The following C8orf34 variants were observed in gnomAD, a reference collection of about 807,000 sequenced individuals.
The protein encoded by C8orf34 is chromosome 8 open reading frame 34.
A neutral mutation model predicts 68.3 loss-of-function variants in C8orf34; 65 were observed. The ratio of observed to expected loss-of-function variants is 0.95; its 90% CI spans 0.78 to 1.17. C8orf34 has a LOEUF of 1.17. Ranked by LOEUF, C8orf34 falls within the 50% of genes most tolerant of loss-of-function variation. The pLI is 0.00. For synonymous variants in C8orf34, 244 were observed against 241.2 expected (o/e 1.01, Z -0.11); for missense variants, 664 against 655.4 (o/e 1.01, Z -0.14).
At chr8:68,337,253 G>A (rs930420808) in intron 1 of C8orf34, among the ~76,000 whole-genome samples, 5 of 152,080 alleles carry the variant, frequency 3.3e-5, no homozygotes, top group South Asian at 2.1e-4. Flanking sequence ...ACACTACTTC[G>A]TTCAAGTGAT....
intron 1 of C8orf34, among the ~76,000 whole-genome samples, chr8:68,372,848 G>A (rs993462924): frequency 2.0e-5 from 3 of 152,186 alleles, no homozygotes; most frequent in Non-Finnish European, 4.4e-5. Context: ...GAGAACATGC[G>A]ATGTTTGGTT....
intron 8 of C8orf34, among the ~76,000 whole-genome samples, chr8:68,693,464 G>T (rs1017769541): frequency 6.6e-6 from 1 of 152,028 alleles, no homozygotes; most frequent in South Asian, 2.1e-4. Flanking sequence ...TCTGAAAATT[G>T]TTCTCGTGAA....
At chr8:68,612,402 C>G (rs796350855) in intron 7 of C8orf34, among the ~76,000 whole-genome samples, 7 of 152,264 alleles carry the variant, frequency 4.6e-5, no homozygotes, top group African/African-American at 1.7e-4. Flanking sequence ...TCTCAGTAGT[C>G]TAGCTCCAGA....
chr8:68,527,429 G>A (rs993310533), intron 6 of C8orf34, among the ~76,000 whole-genome samples: 112 of 152,164 alleles, frequency 7.4e-4, no homozygotes, highest in African/African-American at 2.1e-3. Context: ...AAAATTAGCC[G>A]GGCGTGGTGG....
chr8:68,392,849 G>A (rs1013099972), intron 1 of C8orf34, among the ~76,000 whole-genome samples: 4 of 152,030 alleles, frequency 2.6e-5, no homozygotes, highest in Non-Finnish European at 5.9e-5. Flanking sequence ...TTGGCTTCAG[G>A]TAATAAAGGC....
At chr8:68,604,672 C>G (rs1817801807) in intron 7 of C8orf34, among the ~76,000 whole-genome samples, 1 of 151,990 alleles carries the variant, frequency 6.6e-6, no homozygotes. Flanking sequence ...AATAATAAAT[C>G]TAGGTACATA....
chr8:68,513,373 G>C (rs1012564041), intron 5 of C8orf34, among the ~76,000 whole-genome samples: 19 of 152,172 alleles, frequency 1.2e-4, no homozygotes, highest in Middle Eastern at 3.4e-3. Context: ...CAGGGCTAGG[G>C]GTACCTGCAG....
At chr8:68,357,618 G>T (rs2129619185) in intron 1 of C8orf34, among the ~76,000 whole-genome samples, 1 of 152,300 alleles carries the variant, frequency 6.6e-6, no homozygotes, top group Non-Finnish European at 1.5e-5. Flanking sequence ...GTGAAACAAT[G>T]AGCTGGATAT....
At chr8:68,348,216 G>T (rs1208339081) in intron 1 of C8orf34, among the ~76,000 whole-genome samples, 2 of 151,942 alleles carry the variant, frequency 1.3e-5, no homozygotes, top group Non-Finnish European at 2.9e-5. Context: ...TGTTGAATAG[G>T]GAGTTTTTTT....
chr8:68,803,998 G>A (rs75544628), intron 12 of C8orf34, among the ~76,000 whole-genome samples: 1 of 152,066 alleles, frequency 6.6e-6, no homozygotes, highest in African/African-American at 2.4e-5. Context: ...GGTAGTTCGT[G>A]AAAGGTTCAC....
intron 9 of C8orf34, among the ~76,000 whole-genome samples, chr8:68,710,087 A>G (rs2130965134): frequency 6.6e-6 from 1 of 152,354 alleles, no homozygotes; most frequent in Non-Finnish European, 1.5e-5. Flanking sequence ...AAATATGCCC[A>G]AAGAAGCTCA....
At chr8:68,765,554 C>A (rs1823146736) in intron 10 of C8orf34, among the ~76,000 whole-genome samples, 1 of 152,122 alleles carries the variant, frequency 6.6e-6, no homozygotes, top group African/African-American at 2.4e-5. Flanking sequence ...ATTAAAACCC[C>A]CACTATTTTC....
At chr8:68,353,771 T>G (rs1011471082) in intron 1 of C8orf34, among the ~76,000 whole-genome samples, 5 of 151,644 alleles carry the variant, frequency 3.3e-5, no homozygotes, top group Admixed American at 2.6e-4. Flanking sequence ...TCTTTGTCAT[T>G]AGTCTCTAAA....
At chr8:68,538,001 T>C (rs1418638363) in intron 7 of C8orf34, among the ~76,000 whole-genome samples, 1 of 152,126 alleles carries the variant, frequency 6.6e-6, no homozygotes, top group East Asian at 1.9e-4. Flanking sequence ...ACGTCAATAG[T>C]TTGAAAATGA....
rs1814951201 is a variant in C8orf34 at position 68,525,765 on chromosome 8, C to T, written c.938+3794C>T. On this transcript the variant is annotated intron_variant, in intron 6 of 13. Transcript: ENST00000518698. ...CTGTGATCATCAATGATTTTAGATT[C>T]ACCAGTGTAGCCATGCTTCATCACA... 5.1e-6 allele frequency: 3 copies of T among 584,224 alleles called. No individual in the cohort carries two copies. The Admixed American group carries it at 5.8e-5, about 11-fold the overall frequency. 36.2% of individuals were successfully genotyped at this position (584,224 alleles called of 1,614,324 possible). A position where few individuals can be genotyped will look rare whatever the true frequency, so the allele number is the denominator to read the frequency against.
chr8:68,737,940 C>G (rs1468845228), intron 10 of C8orf34, among the ~76,000 whole-genome samples: 1 of 152,112 alleles, frequency 6.6e-6, no homozygotes, highest in East Asian at 1.9e-4. Context: ...GAGACGCTTA[C>G]AATACTCTCC....
chr8:68,686,169 C>T (rs982014366), intron 8 of C8orf34, among the ~76,000 whole-genome samples: 2 of 151,732 alleles, frequency 1.3e-5, no homozygotes, highest in African/African-American at 2.4e-5. Flanking sequence ...ACAGAAAAGC[C>T]CAGGACCAGA....
At chr8:68,455,346 C>G (rs1263394874) in intron 3 of C8orf34, among the ~76,000 whole-genome samples, 1 of 152,100 alleles carries the variant, frequency 6.6e-6, no homozygotes, top group Admixed American at 6.5e-5. Flanking sequence ...TTAAAGTCCA[C>G]TATTCTTATT....
chr8:68,496,610 A>T (rs1379664891), intron 5 of C8orf34, among the ~76,000 whole-genome samples: 2 of 152,166 alleles, frequency 1.3e-5, no homozygotes, highest in African/African-American at 4.8e-5. Context: ...CGCTTGCCTC[A>T]CTAAGTACAC....
Sources: allele counts gnomAD v4.1 joint callset (sites outside exome capture counted in the v4.1 genomes callset), GRCh38; gene constraint gnomAD v4.1.1; transcripts MANE v1.5; gene names NCBI Gene and HGNC (gene_info 2026-07-23, HGNC 2026-07-21).